The following PRKN variants were observed in gnomAD, a reference collection of about 807,000 sequenced individuals.
PRKN encodes parkin RBR E3 ubiquitin protein ligase.
In PRKN, 56 loss-of-function variants were observed where a neutral mutation model predicts 59.5. The observed-to-expected ratio is 0.94, with a 90% confidence interval of 0.76 to 1.18. The LOEUF (loss-of-function observed/expected upper bound fraction) is 1.18, where lower values mean the gene tolerates loss of function less well. Ranked by LOEUF, PRKN falls within the 50% of genes most tolerant of loss-of-function variation. The probability of loss-of-function intolerance (pLI) is 0.00; values close to 1 mark genes in which losing one functional copy is unlikely to be tolerated. For missense variants in PRKN, 657 were observed against 596.4 expected (o/e 1.10, Z -1.06); for synonymous variants, 250 against 222.1 (o/e 1.13, Z -1.12).
intron 1 of PRKN, among the ~76,000 whole-genome samples, chr6:162,663,601 C>T (rs989645922): frequency 5.3e-5 from 8 of 152,060 alleles, no homozygotes; most frequent in African/African-American, 1.9e-4. Context: ...AGAACTTGCA[C>T]TGGTTCCTTG....
rs1217482184 is a variant in PRKN, at chr6:161,874,217, A to AAT, written c.735-88311_735-88310dup. 2.2e-4 allele frequency among the ~76,000 whole-genome samples: 9 copies of AAT among 40,866 alleles called. 1 individual carries two copies. The highest frequency in any genetic ancestry group is 7.5e-4 in the African/African-American group (7 of 9,320). The allele number at this position is 40,866 out of a possible 152,430, so 26.8% of individuals were successfully genotyped here. The stretch of plus-strand genomic sequence containing the variant: ...ATAATATATATTATATGTAAAATAT[A>AAT]ATATATATTATATATAATATATAAT... On this transcript the variant is annotated intron_variant, in intron 6 of 11. Transcript: ENST00000366898.
At chr6:161,756,581 TTCTC>T (rs1351350007) in intron 7 of PRKN, among the ~76,000 whole-genome samples, 4 of 151,408 alleles carry the variant, frequency 2.6e-5, no homozygotes, top group African/African-American at 9.7e-5. Context: ...TCTTCTTTCC[TTCTC>T]TCTCTCTCTC....
chr6:161,763,998 G>A (rs1021751483), intron 7 of PRKN, among the ~76,000 whole-genome samples: 7 of 152,096 alleles, frequency 4.6e-5, no homozygotes, highest in Non-Finnish European at 8.8e-5. Context: ...TCTCTTATAT[G>A]AAGCTTCCAG....
intron 3 of PRKN, among the ~76,000 whole-genome samples, chr6:162,235,802 C>CAAAG (rs995003795): frequency 5.7e-4 from 79 of 138,072 alleles, no homozygotes; most frequent in African/African-American, 1.8e-3. Context: ...GACTCTGTCT[C>CAAAG]AAAGAAAGAA....
intron 2 of PRKN, among the ~76,000 whole-genome samples, chr6:162,394,448 A>C (rs1406743419): frequency 6.6e-6 from 1 of 152,196 alleles, no homozygotes; most frequent in Non-Finnish European, 1.5e-5. Context: ...TGTAATTGTA[A>C]TACATCCACC....
At chr6:161,829,660 C>T (rs575100414) in intron 6 of PRKN, among the ~76,000 whole-genome samples, 3 of 152,074 alleles carry the variant, frequency 2.0e-5, no homozygotes, top group South Asian at 2.1e-4. Flanking sequence ...CAAAGGCCTC[C>T]GCAGAAAGCT....
At chr6:161,741,120 C>T (rs1382290285) in intron 7 of PRKN, among the ~76,000 whole-genome samples, 5 of 152,216 alleles carry the variant, frequency 3.3e-5, no homozygotes, top group Admixed American at 6.5e-5. Context: ...CCTGGGTTCA[C>T]GCTGAGTCCA....
rs998143358 is a variant in PRKN, at chr6:161,575,374, C to G, written c.872-5958G>C. ...GTTGTGTAGCATTTCCACAAAGTCA[C>G]TGACAGCTACTGAGAAAAAGCAACC... is the stretch of plus-strand genomic sequence containing the variant. On this transcript the variant is annotated intron_variant, in intron 7 of 11. Transcript: ENST00000366898. The surrounding 1 kb of genome is among the most constrained non-coding windows in gnomAD (Gnocchi z 4.6). 3.9e-5 allele frequency among the ~76,000 whole-genome samples: 6 copies of G among 152,158 alleles called. No individual in the cohort carries two copies. The highest frequency in any genetic ancestry group is 1.4e-4 in the African/African-American group (6 of 41,438).
At chr6:162,384,279 CA>C (rs1394027187) in intron 2 of PRKN, among the ~76,000 whole-genome samples, 1 of 152,140 alleles carries the variant, frequency 6.6e-6, no homozygotes, top group Non-Finnish European at 1.5e-5. Context: ...GAGAGATTTG[CA>C]ACTCCTCCTT....
chr6:161,864,795 TAC>T (rs1794047596), intron 6 of PRKN, among the ~76,000 whole-genome samples: 1 of 50,986 alleles, frequency 2.0e-5, no homozygotes, highest in East Asian at 3.1e-4. Context: ...TAGCTGGGAT[TAC>T]AGTCGCCCAC....
chr6:162,140,924 C>T (rs971946459), intron 4 of PRKN, among the ~76,000 whole-genome samples: 2 of 152,148 alleles, frequency 1.3e-5, no homozygotes, highest in East Asian at 1.9e-4. Flanking sequence ...ATCAGGAGAT[C>T]GAGACCATCC....
chr6:161,740,511 C>A (rs1022097785), intron 7 of PRKN, among the ~76,000 whole-genome samples: 1 of 152,212 alleles, frequency 6.6e-6, no homozygotes, highest in Non-Finnish European at 1.5e-5. Flanking sequence ...TGCCTCTGGG[C>A]CAGCACTGCT....
chr6:161,427,203 C>T (rs544906845), intron 9 of PRKN, among the ~76,000 whole-genome samples: 49 of 152,212 alleles, frequency 3.2e-4, no homozygotes, highest in East Asian at 1.5e-3. Context: ...TATTTTTAGA[C>T]GAGACAGGAT....
chr6:162,118,357 G>C (rs1204601218), intron 4 of PRKN, among the ~76,000 whole-genome samples: 3 of 151,668 alleles, frequency 2.0e-5, no homozygotes, highest in Non-Finnish European at 2.9e-5. Flanking sequence ...AGTGAGCCGA[G>C]AACGCGCCAC....
At chr6:161,701,775 A>G (rs1161873947) in intron 7 of PRKN, among the ~76,000 whole-genome samples, 1 of 152,246 alleles carries the variant, frequency 6.6e-6, no homozygotes, top group African/African-American at 2.4e-5. Context: ...TAGTATTTCA[A>G]GAGACATTAC....
chr6:162,184,526 G>A (rs1346735734), intron 4 of PRKN, among the ~76,000 whole-genome samples: 1 of 152,124 alleles, frequency 6.6e-6, no homozygotes, highest in Admixed American at 6.6e-5. Context: ...CTCCCTTCGT[G>A]CGGTTCTCAT....
intron 4 of PRKN, among the ~76,000 whole-genome samples, chr6:162,200,614 C>T (rs1784685687): frequency 6.6e-6 from 1 of 152,210 alleles, no homozygotes; most frequent in Admixed American, 6.5e-5. Flanking sequence ...CAGCAGACTT[C>T]AGTTGACTGA....
chr6:162,048,556 G>T (rs1347638903), intron 5 of PRKN, among the ~76,000 whole-genome samples: 1 of 151,972 alleles, frequency 6.6e-6, no homozygotes, highest in Non-Finnish European at 1.5e-5. Context: ...GTGTGCCCAA[G>T]TAAGAGAAAC....
chr6:162,414,709 T>TGAAAAAAAAAAAAAAAAAAAAA lies in PRKN; in HGVS notation c.171+28600_171+28601insTTTTTTTTTTTTTTTTTTTTTC, dbSNP rs373871165. On this transcript the variant is annotated intron_variant, in intron 2 of 11. Transcript: ENST00000366898. ...CTGGTCAACTGAGCAAGACTCCGTC[T>TGAAAAAAAAAAAAAAAAAAAAA]CAAAAAAAAAAAAAAAAAGTGAATC... Among the ~76,000 whole-genome samples the TGAAAAAAAAAAAAAAAAAAAAA allele has an allele frequency of 2.9e-4, 13 of 44,548 alleles. 3 individuals carry two copies. The highest frequency in any genetic ancestry group is 2.2e-4 in the Admixed American group (1 of 4,500). 29.2% of individuals were successfully genotyped at this position (44,548 alleles called of 152,430 possible). A position where few individuals can be genotyped will look rare whatever the true frequency, so the allele number is the denominator to read the frequency against.
Sources: allele counts gnomAD v4.1 joint callset (sites outside exome capture counted in the v4.1 genomes callset), GRCh38; gene constraint gnomAD v4.1.1; non-coding constraint Gnocchi (gnomAD v3.1); transcripts MANE v1.5; gene names NCBI Gene and HGNC (gene_info 2026-07-23, HGNC 2026-07-21).